The following ZRANB3 variants were observed in gnomAD, a reference collection of about 807,000 sequenced individuals.
ZRANB3 encodes the protein zinc finger RANBP2-type containing 3.
ZRANB3 carries 125 observed loss-of-function variants against 133.8 expected under a neutral mutation model. The observed-to-expected ratio is 0.93, with a 90% CI of 0.81 to 1.08. ZRANB3 has a LOEUF of 1.08. Among genes scored for constraint, ZRANB3 ranks in the 50% least tolerant of loss-of-function variants. The pLI is 0.00. For missense variants in ZRANB3, 1,229 were observed against 1,275.5 expected, an observed-to-expected ratio of 0.96 and a Z score of 0.56; for synonymous variants, 387 against 432.7, an observed-to-expected ratio of 0.89 and a Z score of 1.31.
intron 1 of ZRANB3, among the ~76,000 whole-genome samples, chr2:135,506,612 A>G (rs1693200946): frequency 6.6e-6 from 1 of 152,244 alleles, no homozygotes; most frequent in Non-Finnish European, 1.5e-5. Flanking sequence ...CAGTTTCACC[A>G]GCCATGTTTC....
intron 2 of ZRANB3, among the ~76,000 whole-genome samples, chr2:135,442,981 T>C (rs886128988): frequency 2.0e-5 from 3 of 151,856 alleles, no homozygotes; most frequent in Non-Finnish European, 4.4e-5. Flanking sequence ...CCAGGCATGG[T>C]GGCGGGCGCC....
chr2:135,395,343 A>T (rs185610038), intron 2 of ZRANB3, among the ~76,000 whole-genome samples: 110 of 152,244 alleles, frequency 7.2e-4, no homozygotes, highest in African/African-American at 2.4e-3. Context: ...AAATCAAATC[A>T]AAATGGATTA....
chr2:135,400,339 T>A (rs1687681237), intron 2 of ZRANB3, among the ~76,000 whole-genome samples: 1 of 152,126 alleles, frequency 6.6e-6, no homozygotes, highest in East Asian at 1.9e-4. Context: ...ATATTTTGTT[T>A]CTTTGTCTAG....
chr2:135,438,748 T>C (rs1020920846), intron 2 of ZRANB3, among the ~76,000 whole-genome samples: 1 of 152,108 alleles, frequency 6.6e-6, no homozygotes, highest in African/African-American at 2.4e-5. Context: ...AAAGAGAAAA[T>C]CATAAGTCCA....
chr2:135,324,965 T>A (rs527879525), intron 6 of ZRANB3, among the ~76,000 whole-genome samples: 1 of 152,352 alleles, frequency 6.6e-6, no homozygotes, highest in South Asian at 2.1e-4. Context: ...GTAATACTTA[T>A]ACCCTGAAAG....
In ZRANB3 at chr2:135,353,615, T is replaced by C. The variant is rs1456379950; in HGVS notation, c.194A>G (p.Lys65Arg). 1.5e-5 allele frequency: 23 copies of C among 1,556,808 alleles called. No individual in the cohort carries two copies. The highest frequency in any genetic ancestry group is 2.5e-5 in the South Asian group (2 of 81,442). The change falls in exon 4 of 21, where the codon AAG becomes AGG. Residue 65 changes from lysine (K) to arginine (R), a missense_variant. By Grantham distance (26) the Lys-to-Arg change is conservative. Coordinates refer to ENST00000264159, the MANE Select transcript of ZRANB3 (RefSeq NM_032143.4). ...CMVADEMGLG[K>R]TIQAIGITYF... ...AGTAATTCCAATTGCCTGGATTGTC[T>C]TTCCTAGACCCATCTAAATTAAAAA...
rs1693916054 is a variant in ZRANB3 at position 135,207,414 on chromosome 2, A to C, written c.3009+20T>G. 6.3e-7 allele frequency: 1 copy of C among 1,578,912 alleles called. No homozygotes were observed. Among genetic ancestry groups the C allele is most frequent in the East Asian group, 2.2e-5 (1 of 44,496 alleles). On this transcript the variant is annotated intron_variant, in intron 19 of 20. Coordinates refer to ENST00000264159, the MANE Select transcript of ZRANB3 (RefSeq NM_032143.4). ...CTCAGTACAATGCTGCCTTCTATCT[A>C]TCACATGATTATAACTTACCTGTTC...
intron 6 of ZRANB3, among the ~76,000 whole-genome samples, chr2:135,343,010 C>CAAAAA (rs11435525): frequency 1.4e-4 from 8 of 55,216 alleles, no homozygotes; most frequent in African/African-American, 3.5e-4. Context: ...ACTAAAAATC[C>CAAAAA]AAAAAAAAAA....
chr2:135,334,023 C>T (rs895054110), intron 6 of ZRANB3, among the ~76,000 whole-genome samples: 2 of 152,148 alleles, frequency 1.3e-5, no homozygotes, highest in African/African-American at 2.4e-5. Context: ...TATATTATCC[C>T]TACCTAACTC....
chr2:135,494,623 G>A (rs1692582491), intron 2 of ZRANB3, among the ~76,000 whole-genome samples: 3 of 152,126 alleles, frequency 2.0e-5, no homozygotes, highest in African/African-American at 7.2e-5. Context: ...CAGTGAAACT[G>A]GACCAAACTT....
At chr2:135,245,947 A>AAAAAAAAAAC (rs1553461041) in intron 12 of ZRANB3, among the ~76,000 whole-genome samples, 3 of 145,382 alleles carry the variant, frequency 2.1e-5, no homozygotes, top group African/African-American at 7.7e-5. Context: ...AAAAAAAAAA[A>AAAAAAAAAAC]AGAGACAGGG....
At chr2:135,304,473 G>T (rs889933535) in intron 8 of ZRANB3, among the ~76,000 whole-genome samples, 1 of 152,028 alleles carries the variant, frequency 6.6e-6, no homozygotes, top group Non-Finnish European at 1.5e-5. Context: ...TTTTGTTAAG[G>T]ACTTTCACAT....
intron 2 of ZRANB3, among the ~76,000 whole-genome samples, chr2:135,423,033 C>T (rs1209733845): frequency 6.6e-6 from 1 of 152,220 alleles, no homozygotes; most frequent in Non-Finnish European, 1.5e-5. Context: ...CTCCTATCTT[C>T]TGGTGGATGC....
chr2:135,332,233 T>C (rs1205497254), intron 6 of ZRANB3, among the ~76,000 whole-genome samples: 1 of 152,142 alleles, frequency 6.6e-6, no homozygotes, highest in Non-Finnish European at 1.5e-5. Flanking sequence ...TTCTTACTCA[T>C]ATTAAGCCAA....
intron 2 of ZRANB3, among the ~76,000 whole-genome samples, chr2:135,479,868 T>G (rs74908321): frequency 6.6e-6 from 1 of 152,120 alleles, no homozygotes; most frequent in Non-Finnish European, 1.5e-5. Context: ...TCAGGCAGTA[T>G]GCAATTAATT....
chr2:135,479,084 G>GT lies in ZRANB3; in HGVS notation c.161+25244dup, dbSNP rs2104789838. ...ACAATAGTATAAGACAGTTAACACT[G>GT]TTTCACATCCTTGCTGGTATTGTCT... On this transcript the variant is annotated intron_variant, in intron 2 of 20. Transcript: ENST00000264159. 2.0e-5 allele frequency among the ~76,000 whole-genome samples: 3 copies of GT among 150,812 alleles called. 1 individual carries two copies. In the South Asian group the frequency reaches 6.3e-4, roughly 32 times the overall value.
At chr2:135,286,347 G>A (rs957597593) in intron 8 of ZRANB3, among the ~76,000 whole-genome samples, 7 of 152,028 alleles carry the variant, frequency 4.6e-5, no homozygotes, top group Admixed American at 2.0e-4. Flanking sequence ...GTACAATCTC[G>A]GCTCACAACA....
chr2:135,277,209 G>C (rs1266391599), intron 8 of ZRANB3, among the ~76,000 whole-genome samples: 1 of 152,060 alleles, frequency 6.6e-6, no homozygotes, highest in Non-Finnish European at 1.5e-5. Flanking sequence ...CAAGAGAGCA[G>C]AATCATATAA....
At chr2:135,410,683 T>C (rs1245869087) in intron 2 of ZRANB3, among the ~76,000 whole-genome samples, 2 of 152,048 alleles carry the variant, frequency 1.3e-5, no homozygotes, top group East Asian at 1.9e-4. Flanking sequence ...ACAGATGACC[T>C]ACAGAATGGG....
Sources: gnomAD v4.1 joint callset for allele counts (sites outside exome capture counted in the v4.1 genomes callset) on GRCh38, gnomAD v4.1.1 for gene constraint, MANE v1.5 for transcripts, NCBI Gene and HGNC (gene_info 2026-07-23, HGNC 2026-07-21) for gene names.